The following PTPRT variants were observed in gnomAD, a reference collection of about 807,000 sequenced individuals.
PTPRT encodes receptor-type tyrosine-protein phosphatase T.
PTPRT carries 56 observed loss-of-function variants against 176.8 expected under a neutral mutation model. That is an observed-to-expected ratio of 0.32 (90% CI 0.26 to 0.40). The LOEUF (loss-of-function observed/expected upper bound fraction) is 0.40. PTPRT is among the 10% of genes least tolerant of loss of function. PTPRT has a pLI of 1.00. For missense variants in PTPRT, 1,540 were observed against 1,908.2 expected, an observed-to-expected ratio of 0.81 and a Z score of 3.60; for synonymous variants, 783 against 739.0, an observed-to-expected ratio of 1.06 and a Z score of -0.96.
chr20:43,033,637 C>A (rs1986239788), intron 1 of PTPRT, among the ~76,000 whole-genome samples: 1 of 152,176 alleles, frequency 6.6e-6, no homozygotes, highest in Admixed American at 6.5e-5. Flanking sequence ...TGAGTAAATG[C>A]ACAATCTCCT....
intron 17 of PTPRT, among the ~76,000 whole-genome samples, chr20:42,153,387 T>C (rs1032465865): frequency 1.3e-5 from 2 of 151,504 alleles, no homozygotes; most frequent in Non-Finnish European, 2.9e-5. Context: ...GAGGGAAGAG[T>C]CTTGCCCAAG....
chr20:42,518,497 T>C (rs2072110339), intron 7 of PTPRT, among the ~76,000 whole-genome samples: 1 of 152,152 alleles, frequency 6.6e-6, no homozygotes, highest in Non-Finnish European at 1.5e-5. Flanking sequence ...TTAGTGATAG[T>C]ATTTTATTTT....
rs530135070 is a variant in PTPRT, at chr20:42,550,450, G to A, written c.1154-77888C>T. ...ACCATGAAATTATTCTTTGGATTAG[G>A]GTTTTTTTTTAGTTGAGTTTCTATC... On this transcript the variant is annotated intron_variant, in intron 7 of 30. Transcript: ENST00000373187. Among the ~76,000 whole-genome samples the A allele has an allele frequency of 1.6e-4, 24 of 152,124 alleles. No homozygotes were observed. The East Asian group carries it at 4.4e-3, about 28-fold the overall frequency.
chr20:42,939,260 A>G lies in PTPRT; in HGVS notation c.89-53328T>C, dbSNP rs375069341. Among the ~76,000 whole-genome samples, 78 of 152,328 alleles carry G rather than the reference A, an allele frequency of 5.1e-4. 1 individual carries two copies. The highest frequency in any genetic ancestry group is 1.5e-3 in the African/African-American group (63 of 41,586). ...GCCAAGCAAGGTGGCCTTCCAGGCT[A>G]ATCTGGGGTGAGGGAGGGGAGCCAA... On this transcript the variant is annotated intron_variant, in intron 1 of 30. Transcript: ENST00000373187.
chr20:42,671,757 A>T (rs996475999), intron 7 of PTPRT, among the ~76,000 whole-genome samples: 7 of 152,214 alleles, frequency 4.6e-5, no homozygotes. Flanking sequence ...ATATCTCATG[A>T]AAGATGGTGA....
At chr20:42,502,436 ACACACACACAC>A (rs1568933121) in intron 7 of PTPRT, among the ~76,000 whole-genome samples, 1 of 150,930 alleles carries the variant, frequency 6.6e-6, no homozygotes, top group Non-Finnish European at 1.5e-5. Flanking sequence ...ACACACACAC[ACACACACACAC>A]ATCTCAAATG....
intron 9 of PTPRT, among the ~76,000 whole-genome samples, chr20:42,362,831 C>T (rs745783864): frequency 5.9e-5 from 9 of 151,938 alleles, no homozygotes; most frequent in Non-Finnish European, 7.4e-5. Context: ...TTGAGCCAGG[C>T]GCGGTGGCTC....
At chr20:42,200,958 T>C (rs768996079) in intron 15 of PTPRT, among the ~76,000 whole-genome samples, 3 of 152,196 alleles carry the variant, frequency 2.0e-5, no homozygotes, top group Non-Finnish European at 4.4e-5. Context: ...CCACTGATCA[T>C]GAAACAGATA....
intron 14 of PTPRT, among the ~76,000 whole-genome samples, chr20:42,242,070 G>A (rs373202414): frequency 6.6e-6 from 1 of 152,010 alleles, no homozygotes; most frequent in Non-Finnish European, 1.5e-5. Flanking sequence ...TGCTCTTTTA[G>A]CTTGGCCTGA....
the PTPRT span, among the ~76,000 whole-genome samples, chr20:42,055,086 T>TAA: frequency 1.4e-3 from 216 of 149,870 alleles, no homozygotes; most frequent in African/African-American, 4.9e-3. Flanking sequence ...TAAAGTATAA[T>TAA]AAAAAAAAAA....
At chr20:42,628,389 C>T (rs1039436217) in intron 7 of PTPRT, among the ~76,000 whole-genome samples, 1 of 152,080 alleles carries the variant, frequency 6.6e-6, no homozygotes, top group Admixed American at 6.6e-5. Flanking sequence ...GAGTCACCTG[C>T]TCAATTAGTT....
chr20:42,224,658 G>T (rs969185051), intron 15 of PTPRT, among the ~76,000 whole-genome samples: 1 of 152,150 alleles, frequency 6.6e-6, no homozygotes, highest in African/African-American at 2.4e-5. Context: ...AATAACCTGG[G>T]GAACTTTAAA....
intron 1 of PTPRT, among the ~76,000 whole-genome samples, chr20:43,075,118 C>T (rs1217471484): frequency 4.6e-5 from 7 of 152,174 alleles, no homozygotes; most frequent in Non-Finnish European, 8.8e-5. Flanking sequence ...TCCTGCTTTC[C>T]GGCACTAAAC....
chr20:42,318,497 A>C (rs2057752813), intron 11 of PTPRT, among the ~76,000 whole-genome samples: 2 of 152,188 alleles, frequency 1.3e-5, no homozygotes, highest in African/African-American at 4.8e-5. Context: ...GGGAAAGGGC[A>C]AACACAAAAG....
intron 7 of PTPRT, among the ~76,000 whole-genome samples, chr20:42,563,529 T>C (rs1219532093): frequency 9.2e-5 from 14 of 152,160 alleles, no homozygotes; most frequent in Admixed American, 8.5e-4. Flanking sequence ...GTTGTATATA[T>C]ACACAAAGAT....
chr20:42,823,602 A>C (rs1441824811), intron 2 of PTPRT, among the ~76,000 whole-genome samples: 1 of 152,208 alleles, frequency 6.6e-6, no homozygotes, highest in Non-Finnish European at 1.5e-5. Flanking sequence ...TAGATGTAGA[A>C]GAATACTCTA....
intron 9 of PTPRT, among the ~76,000 whole-genome samples, chr20:42,427,063 T>C (rs918338915): frequency 3.9e-5 from 6 of 152,180 alleles, no homozygotes; most frequent in Non-Finnish European, 5.9e-5. Context: ...AGTTTCTGAT[T>C]CAGTAGCTTT....
At chr20:42,718,416 A>G (rs1316725167) in intron 6 of PTPRT, among the ~76,000 whole-genome samples, 2 of 152,184 alleles carry the variant, frequency 1.3e-5, no homozygotes, top group African/African-American at 2.4e-5. Flanking sequence ...GGGCGCCAGT[A>G]GTTCCAGCTA....
At chr20:42,407,324 G>T (rs752914426) in intron 9 of PTPRT, among the ~76,000 whole-genome samples, 1 of 152,118 alleles carries the variant, frequency 6.6e-6, no homozygotes, top group Non-Finnish European at 1.5e-5. Context: ...TCTCAAGCCA[G>T]CCTCATTCTG....
Sources: allele counts gnomAD v4.1 joint callset (sites outside exome capture counted in the v4.1 genomes callset), GRCh38; gene constraint gnomAD v4.1.1; transcripts MANE v1.5; gene names NCBI Gene and HGNC (gene_info 2026-07-23, HGNC 2026-07-21).